PTPRT: variants seen among roughly 807,000 people sequenced by gnomAD.
PTPRT encodes the protein protein tyrosine phosphatase receptor type T.
Under a neutral mutation model 176.8 loss-of-function variants are expected in PTPRT, and 56 were observed. That is an observed-to-expected ratio of 0.32 (90% CI 0.26 to 0.40). The LOEUF is 0.40. Among genes scored for constraint, PTPRT ranks in the 10% least tolerant of loss-of-function variants. The pLI, the probability that PTPRT is intolerant of heterozygous loss-of-function variation, is 1.00. For missense variants in PTPRT, 1,540 were observed against 1,908.2 expected, an observed-to-expected ratio of 0.81 and a Z score of 3.60; for synonymous variants, 783 against 739.0, an observed-to-expected ratio of 1.06 and a Z score of -0.96.
intron 1 of PTPRT, among the ~76,000 whole-genome samples, chr20:43,094,805 A>G (rs2012059417): frequency 1.3e-5 from 2 of 152,120 alleles, no homozygotes; most frequent in Non-Finnish European, 2.9e-5. Flanking sequence ...CAGCATTTAG[A>G]AGAGTGTCTG....
At position 42,718,761 on chromosome 20, in the gene PTPRT, C is replaced by T. The variant is rs547403323; in HGVS notation, c.859+37701G>A. On this transcript the variant is annotated intron_variant, in intron 6 of 30. Coordinates refer to ENST00000373187, the MANE Select transcript of PTPRT (RefSeq NM_007050.6). ...GGGCTTCTGAGGTGCTGGTTATATT[C>T]TGTATCTCGATCAGGATGTTGTTTA... Among the ~76,000 whole-genome samples the T allele has an allele frequency of 2.6e-5, 4 of 152,234 alleles. No homozygotes were observed. In the South Asian group the frequency reaches 8.3e-4, roughly 32 times the overall value.
At chr20:42,707,250 A>C (rs1480895586) in intron 6 of PTPRT, among the ~76,000 whole-genome samples, 1 of 152,130 alleles carries the variant, frequency 6.6e-6, no homozygotes, top group Non-Finnish European at 1.5e-5. Context: ...GAATGGTAAG[A>C]AAAGATAATG....
intron 16 of PTPRT, among the ~76,000 whole-genome samples, chr20:42,182,906 G>A (rs1338516826): frequency 1.9e-5 from 2 of 107,330 alleles, no homozygotes; most frequent in Admixed American, 2.0e-4. Context: ...CTACAAGCAG[G>A]GGTGTGTGTG....
chr20:42,784,822 T>C (rs1037602520), intron 3 of PTPRT, among the ~76,000 whole-genome samples: 3 of 152,268 alleles, frequency 2.0e-5, no homozygotes, highest in African/African-American at 7.2e-5. Flanking sequence ...AGTTCTTTTA[T>C]TTTTTTAAAT....
At chr20:42,353,227 T>C (rs962355980) in intron 9 of PTPRT, among the ~76,000 whole-genome samples, 1 of 152,162 alleles carries the variant, frequency 6.6e-6, no homozygotes, top group Non-Finnish European at 1.5e-5. Context: ...GAATTATTTA[T>C]AAGTCTTGTT....
chr20:42,767,485 A>G (rs2145445307), intron 5 of PTPRT, among the ~76,000 whole-genome samples: 1 of 152,156 alleles, frequency 6.6e-6, no homozygotes, highest in African/African-American at 2.4e-5. Flanking sequence ...GCAGATCATG[A>G]GACTTCTCAG....
At chr20:42,402,856 A>G (rs972281565) in intron 9 of PTPRT, among the ~76,000 whole-genome samples, 10 of 151,996 alleles carry the variant, frequency 6.6e-5, no homozygotes, top group African/African-American at 2.2e-4. Flanking sequence ...GTGTGTGTAT[A>G]CACATGCGTG....
intron 2 of PTPRT, among the ~76,000 whole-genome samples, chr20:42,867,613 C>A (rs979476059): frequency 2.0e-5 from 3 of 151,458 alleles, no homozygotes; most frequent in Admixed American, 2.0e-4. Context: ...CCTGCTGGCA[C>A]CTTGATCTTA....
intron 1 of PTPRT, among the ~76,000 whole-genome samples, chr20:43,163,956 G>A (rs1414981716): frequency 1.3e-5 from 2 of 152,180 alleles, no homozygotes; most frequent in Admixed American, 1.3e-4. Context: ...TATAAGGGTA[G>A]AGCAGAAGAG....
chr20:42,322,810 C>G (rs1354123068), intron 11 of PTPRT, among the ~76,000 whole-genome samples: 70 of 152,146 alleles, frequency 4.6e-4, no homozygotes, highest in African/African-American at 1.6e-3. Context: ...ACTACCATCA[C>G]AGTGAACAGG....
intron 1 of PTPRT, among the ~76,000 whole-genome samples, chr20:42,915,314 C>T (rs1978664039): frequency 1.3e-5 from 2 of 152,196 alleles, no homozygotes. Flanking sequence ...TCAGAAAATG[C>T]CCTCAGGCCT....
chr20:42,638,032 T>A lies in PTPRT; in HGVS notation c.1153+39834A>T, dbSNP rs1348438279. Reference sequence around the variant, plus strand: ...CATCTCTTCCCAACCCAATATTCAATAACTTTACACTGATAGGGAGAAATC... The same window carrying A: ...CATCTCTTCCCAACCCAATATTCAAAAACTTTACACTGATAGGGAGAAATC... On this transcript the variant is annotated intron_variant, in intron 7 of 30. Transcript: ENST00000373187. Among the ~76,000 whole-genome samples, 3 of 152,138 alleles carry A rather than the reference T, an allele frequency of 2.0e-5. No individual in the cohort carries two copies. The East Asian group carries it at 5.8e-4, about 29-fold the overall frequency.
At position 42,920,271 on chromosome 20, in the gene PTPRT, G is replaced by C. The variant is rs143882107; in HGVS notation, c.89-34339C>G. ...AGATGAATGAATCTCATAAAGCATA[G>C]ACTAACTGAAAAAGTCAAGCACAAA... On this transcript the variant is annotated intron_variant, in intron 1 of 30. Coordinates refer to ENST00000373187, the MANE Select transcript of PTPRT (RefSeq NM_007050.6). Among the ~76,000 whole-genome samples the C allele has an allele frequency of 5.3e-3, 805 of 152,242 alleles. 9 individuals carry two copies. Among genetic ancestry groups the C allele is most frequent in the African/African-American group, 0.018 (760 of 41,530 alleles).
At chr20:43,134,536 T>C (rs558722335) in intron 1 of PTPRT, among the ~76,000 whole-genome samples, 19 of 152,192 alleles carry the variant, frequency 1.2e-4, no homozygotes, top group African/African-American at 4.1e-4. Context: ...ATCCCCACCC[T>C]GCTCCTTGGC....
At chr20:42,722,025 C>G (rs954569063) in intron 6 of PTPRT, among the ~76,000 whole-genome samples, 1 of 152,198 alleles carries the variant, frequency 6.6e-6, no homozygotes, top group Non-Finnish European at 1.5e-5. Flanking sequence ...GTATCTGCAC[C>G]TGTTCCCTTT....
At chr20:42,610,900 C>T (rs922542736) in intron 7 of PTPRT, among the ~76,000 whole-genome samples, 1 of 150,690 alleles carries the variant, frequency 6.6e-6, no homozygotes, top group Non-Finnish European at 1.5e-5. Flanking sequence ...TGTCTATAGA[C>T]TTACCTATTC....
At chr20:42,517,895 A>G (rs1288859597) in intron 7 of PTPRT, among the ~76,000 whole-genome samples, 1 of 152,050 alleles carries the variant, frequency 6.6e-6, no homozygotes, top group Non-Finnish European at 1.5e-5. Flanking sequence ...GTCAATTTTT[A>G]TGAATTCTCA....
intron 1 of PTPRT, among the ~76,000 whole-genome samples, chr20:43,006,860 T>C (rs1354644123): frequency 6.6e-6 from 1 of 152,140 alleles, no homozygotes; most frequent in East Asian, 1.9e-4. Flanking sequence ...ATAAGCTGAT[T>C]AGAACTGCGA....
At position 42,810,573 on chromosome 20, in the gene PTPRT, C is replaced by T. The variant is rs373396482; in HGVS notation, c.215-19107G>A. ...GCACTAGATTGCCTTAAAAGCAGTA[C>T]GCAGTTCTGAAGCTTACCATTGTAT... is the stretch of plus-strand genomic sequence containing the variant. On this transcript the variant is annotated intron_variant, in intron 2 of 30. Transcript: ENST00000373187. Among the ~76,000 whole-genome samples, 59 of 152,314 alleles carry T rather than the reference C, an allele frequency of 3.9e-4. 1 individual carries two copies. The South Asian group carries it at 8.7e-3, about 22-fold the overall frequency.
Sources: gnomAD v4.1 joint callset for allele counts (sites outside exome capture counted in the v4.1 genomes callset) on GRCh38, gnomAD v4.1.1 for gene constraint, MANE v1.5 for transcripts, NCBI Gene and HGNC (gene_info 2026-07-23, HGNC 2026-07-21) for gene names.